The following FAT4 variants were observed in gnomAD, a reference collection of about 807,000 sequenced individuals.
The protein encoded by FAT4 is protocadherin Fat 4.
In FAT4, 84 loss-of-function variants were observed where a neutral mutation model predicts 303.9. That is an observed-to-expected ratio of 0.28 (90% CI 0.23 to 0.33). The LOEUF is 0.33. Ranked by LOEUF, FAT4 falls within the 10% of genes least tolerant of loss-of-function variation. FAT4 has a pLI of 1.00. For synonymous variants in FAT4, 2,307 were observed against 2,298.8 expected, an observed-to-expected ratio of 1.00 and a Z score of -0.10; for missense variants, 6,005 against 6,146.8, an observed-to-expected ratio of 0.98 and a Z score of 0.77.
chr4:125,440,889 C>T (rs879507522), intron 8 of FAT4, among the ~76,000 whole-genome samples: 34 of 152,156 alleles, frequency 2.2e-4, no homozygotes, highest in Non-Finnish European at 4.3e-4. Flanking sequence ...CCACACCTTG[C>T]AGCTAAGGGT....
At chr4:125,338,653 C>A (rs1431299979) in intron 2 of FAT4, among the ~76,000 whole-genome samples, 2 of 152,050 alleles carry the variant, frequency 1.3e-5, no homozygotes, top group African/African-American at 4.8e-5. Flanking sequence ...TAAAAGATTG[C>A]TGTGATGAAA....
At chr4:125,419,549 TA>T (rs1735206026) in intron 7 of FAT4, among the ~76,000 whole-genome samples, 1 of 152,198 alleles carries the variant, frequency 6.6e-6, no homozygotes, top group African/African-American at 2.4e-5. Flanking sequence ...CAAGAACATT[TA>T]AAACTATAAA....
Position 125,317,304 on chromosome 4 carries a change from T to C in FAT4, c.893T>C (p.Met298Thr). 6.2e-7 allele frequency: 1 copy of C among 1,600,774 alleles called. No individual in the cohort carries two copies. The highest frequency in any genetic ancestry group is 8.5e-7 in the Non-Finnish European group (1 of 1,171,294). The change falls in exon 2 of 18, where the codon ATG (methionine) becomes ACG (threonine). Residue 298 changes from methionine (M) to threonine (T), a missense_variant. Coordinates refer to ENST00000394329, the MANE Select transcript of FAT4 (RefSeq NM_001291303.3). The surrounding 1 kb of genome is among the most constrained non-coding windows in gnomAD (Gnocchi z 7.0). ...CAGGACGAGGGGACCCCCTTCCAAA[T>C]GGACCCTGAGACGGGACTTATCACG... is the stretch of plus-strand genomic sequence containing the variant. ...RLQDEGTPFQ[M>T]DPETGLITVR... is the part of the protein sequence containing the mutation.
intron 2 of FAT4, among the ~76,000 whole-genome samples, chr4:125,331,475 C>T (rs1277580573): frequency 6.6e-6 from 1 of 152,204 alleles, no homozygotes; most frequent in Admixed American, 6.5e-5. Context: ...ATAGTGGCTA[C>T]ATGACTTGAT....
chr4:125,353,399 A>T (rs1051166635), intron 2 of FAT4, among the ~76,000 whole-genome samples: 4 of 151,640 alleles, frequency 2.6e-5, no homozygotes, highest in African/African-American at 4.8e-5. Flanking sequence ...GATATAAATA[A>T]TTTTTTATTA....
chr4:125,470,101 A>G (rs1726805574), intron 12 of FAT4, among the ~76,000 whole-genome samples: 1 of 152,204 alleles, frequency 6.6e-6, no homozygotes, highest in Non-Finnish European at 1.5e-5. Context: ...CTTTTGGGTG[A>G]CCAGGTGCAT....
intron 2 of FAT4, chr4:125,362,785 A>T (rs1319891360): frequency 1.3e-5 from 2 of 152,170 alleles, no homozygotes; most frequent in African/African-American, 4.8e-5. Flanking sequence ...ATGTGAGGGA[A>T]TCCAGCTAGT....
At chr4:125,435,740 A>G (rs1043207142) in intron 8 of FAT4, among the ~76,000 whole-genome samples, 6 of 152,102 alleles carry the variant, frequency 3.9e-5, no homozygotes, top group Non-Finnish European at 4.4e-5. Context: ...CAGGCCATAT[A>G]CAGGCCATAT....
rs368272444 is a variant in FAT4 at position 125,367,613 on chromosome 4, T to A, written c.5176-31171T>A. Among the ~76,000 whole-genome samples, 48 of 152,260 alleles carry A rather than the reference T, an allele frequency of 3.2e-4. 1 individual carries two copies. The highest frequency in any genetic ancestry group is 1.1e-3 in the African/African-American group (46 of 41,560). ...CAGGTTGGGGGAAAAAATAACATACTCTGTAACTAGTTTTTTCAACCGTAT... is the reference window on the plus strand; with the variant it reads ...CAGGTTGGGGGAAAAAATAACATACACTGTAACTAGTTTTTTCAACCGTAT... On this transcript the variant is annotated intron_variant, in intron 2 of 17. Coordinates refer to ENST00000394329, the MANE Select transcript of FAT4 (RefSeq NM_001291303.3).
intron 2 of FAT4, among the ~76,000 whole-genome samples, chr4:125,344,234 C>T (rs1731912759): frequency 6.6e-6 from 1 of 152,146 alleles, no homozygotes; most frequent in South Asian, 2.1e-4. Flanking sequence ...ATATTCTACT[C>T]TTGATTCCCC....
At position 125,343,397 on chromosome 4, in the gene FAT4, A is replaced by T. The variant is rs373490154; in HGVS notation, c.5175+21811A>T. Among the ~76,000 whole-genome samples the T allele has an allele frequency of 9.9e-5, 15 of 152,178 alleles. No homozygotes were observed. The East Asian group carries it at 2.5e-3, about 26-fold the overall frequency. On this transcript the variant is annotated intron_variant, in intron 2 of 17. Transcript: ENST00000394329. Reference sequence around the variant, plus strand: ...AGCACCAAGTCCATGGGCTCCTCCCACTTCACCTCCTGTGCATGTTACCAG... The same window carrying T: ...AGCACCAAGTCCATGGGCTCCTCCCTCTTCACCTCCTGTGCATGTTACCAG...
Position 125,316,861 on chromosome 4 carries a change from C to T in FAT4, c.450C>T (p.Ser150=). Residue 150 remains serine, a synonymous_variant, in exon 2 of 18, where the codon AGC becomes AGT. Transcript: ENST00000394329. This position sits in a 1 kb window ranked among gnomAD's most constrained non-coding sequence, Gnocchi z 5.7. ...TCACTTTCAAGGAAGACAGTAGCAGCGGACGCCAAGTCATCTTAGACACCG... is the reference window on the plus strand; with the variant it reads ...TCACTTTCAAGGAAGACAGTAGCAGTGGACGCCAAGTCATCTTAGACACCG... ...IVVTFKEDSS[S]GRQVILDTAT... is the part of the protein sequence containing the mutation. 6.2e-7 allele frequency: 1 copy of T among 1,614,028 alleles called. No individual in the cohort carries two copies. Among genetic ancestry groups the T allele is most frequent in the Non-Finnish European group, 8.5e-7 (1 of 1,180,018 alleles).
intron 7 of FAT4, among the ~76,000 whole-genome samples, chr4:125,430,969 A>T (rs962374036): frequency 6.6e-6 from 1 of 152,178 alleles, no homozygotes; most frequent in Non-Finnish European, 1.5e-5. Flanking sequence ...AACTTGCTGT[A>T]AGCTTTCCTT....
intron 10 of FAT4, among the ~76,000 whole-genome samples, chr4:125,455,576 G>T (rs1221168978): frequency 1.3e-5 from 2 of 152,126 alleles, no homozygotes; most frequent in African/African-American, 4.8e-5. Flanking sequence ...TTAAGTCTTC[G>T]AGTCATTAAA....
Position 125,318,885 on chromosome 4 carries a change from A to T in FAT4, c.2474A>T (p.Asn825Ile). The T allele has an allele frequency of 6.2e-7, 1 of 1,614,228 alleles. No individual in the cohort carries two copies. Among genetic ancestry groups the T allele is most frequent in the South Asian group, 1.1e-5 (1 of 91,084 alleles). Residue 825 changes from asparagine (N) to isoleucine (I), a missense_variant, in exon 2 of 18, where the codon AAC becomes ATC. Physicochemically the swap from Asn to Ile is moderately radical, Grantham distance 149. Transcript: ENST00000394329. ...VSASTMDLNS[N>I]ISYLITTGDQ... ...GCATCCACCATGGATCTCAATTCCAACATCAGTTATCTCATTACTACTGGG... is the reference window on the plus strand; with the variant it reads ...GCATCCACCATGGATCTCAATTCCATCATCAGTTATCTCATTACTACTGGG...
chr4:125,469,756 T>C (rs914805703), intron 12 of FAT4, among the ~76,000 whole-genome samples: 6 of 152,160 alleles, frequency 3.9e-5, no homozygotes, highest in Admixed American at 2.0e-4. Flanking sequence ...ACTTCCTCCA[T>C]TGAAGTCTGG....
intron 2 of FAT4, among the ~76,000 whole-genome samples, chr4:125,384,345 G>A (rs1297382433): frequency 6.6e-6 from 1 of 151,948 alleles, no homozygotes; most frequent in Non-Finnish European, 1.5e-5. Flanking sequence ...ATTATCTGTT[G>A]TTTTTAATAT....
chr4:125,350,340 G>C (rs1339282163), intron 2 of FAT4, among the ~76,000 whole-genome samples: 1 of 151,660 alleles, frequency 6.6e-6, no homozygotes, highest in African/African-American at 2.4e-5. Context: ...TAGATTTTGG[G>C]TTGGCCTTAC....
chr4:125,378,229 A>G (rs1417102134), intron 2 of FAT4, among the ~76,000 whole-genome samples: 1 of 152,152 alleles, frequency 6.6e-6, no homozygotes, highest in Non-Finnish European at 1.5e-5. Context: ...ATGTCATTGT[A>G]AAAGCCCAAT....
Sources: gnomAD v4.1 joint callset for allele counts (sites outside exome capture counted in the v4.1 genomes callset) on GRCh38, gnomAD v4.1.1 for gene constraint, Gnocchi (gnomAD v3.1) non-coding constraint, MANE v1.5 for transcripts, NCBI Gene and HGNC (gene_info 2026-07-23, HGNC 2026-07-21) for gene names.